Variants in CCDC141 observed in about 807,000 individuals in gnomAD.
CCDC141 encodes the protein coiled-coil domain-containing protein 141.
CCDC141 carries 168 observed loss-of-function variants against 181.0 expected under a neutral mutation model. That is an observed-to-expected ratio of 0.93 (90% confidence interval 0.82 to 1.05). CCDC141 has a LOEUF of 1.05. Among genes scored for constraint, CCDC141 ranks in the 50% least tolerant of loss-of-function variants. CCDC141 has a pLI of 0.00. For missense variants in CCDC141, 1,902 were observed against 1,788.5 expected (o/e 1.06, Z -1.14); for synonymous variants, 666 against 642.3 (o/e 1.04, Z -0.56).
rs77777853 is a variant in CCDC141 at position 178,870,172 on chromosome 2, C to G, written c.2206-867G>C. Among the ~76,000 whole-genome samples, 190 of 128,608 alleles carry G rather than the reference C, an allele frequency of 1.5e-3. 1 individual carries two copies. Among genetic ancestry groups the G allele is most frequent in the Middle Eastern group, 5.4e-3 (1 of 186 alleles). 84.4% of individuals were successfully genotyped at this position (128,608 alleles called of 152,430 possible). A position where few individuals can be genotyped will look rare whatever the true frequency, so the allele number is the denominator to read the frequency against. Reference sequence around the variant, plus strand: ...ACTTGAACCTGGGAGGCGGAGGCTGCAGCAAGATAAAATTGTGCTACTGCA... The same window carrying G: ...ACTTGAACCTGGGAGGCGGAGGCTGGAGCAAGATAAAATTGTGCTACTGCA... On this transcript the variant is annotated intron_variant, in intron 14 of 23. Coordinates refer to ENST00000443758, the MANE Select transcript of CCDC141 (RefSeq NM_173648.4).
rs1165259437 is a variant in CCDC141, at chr2:178,998,139, T to A, written c.226-19464A>T. Among the ~76,000 whole-genome samples, 4 of 152,284 alleles carry A rather than the reference T, an allele frequency of 2.6e-5. No homozygotes were observed. The East Asian group carries it at 7.7e-4, about 29-fold the overall frequency. On this transcript the variant is annotated intron_variant, in intron 2 of 23. Transcript: ENST00000443758. The stretch of plus-strand genomic sequence containing the variant: ...TGTATATTGATTTCTAGTTTAAAAA[T>A]TTATACAGTATTCTACAGCACTTAG...
chr2:179,007,463 C>A (rs1173664177), intron 2 of CCDC141, among the ~76,000 whole-genome samples: 1 of 152,134 alleles, frequency 6.6e-6, no homozygotes, highest in African/African-American at 2.4e-5. Flanking sequence ...TATTTAGCTG[C>A]TTTAAAATGC....
chr2:178,817,773 T>TCCTC, the CCDC141 span: 1 of 288,938 alleles, frequency 3.5e-6, no homozygotes, highest in Non-Finnish European at 6.6e-6. Flanking sequence ...TCTCTCTCCC[T>TCCTC]CCTCCCTTCC....
At chr2:179,016,456 T>C (rs1358166033) in intron 2 of CCDC141, among the ~76,000 whole-genome samples, 2 of 152,088 alleles carry the variant, frequency 1.3e-5, no homozygotes, top group Non-Finnish European at 2.9e-5. Context: ...CATTAACAGT[T>C]AGTAAATCTA....
chr2:178,971,846 C>A (rs1210481441), intron 4 of CCDC141, among the ~76,000 whole-genome samples: 1 of 152,042 alleles, frequency 6.6e-6, no homozygotes, highest in Non-Finnish European at 1.5e-5. Context: ...AACACCACAT[C>A]TTCTCACTCA....
chr2:178,973,543 T>C (rs760600252), intron 4 of CCDC141, among the ~76,000 whole-genome samples: 1 of 152,070 alleles, frequency 6.6e-6, no homozygotes, highest in African/African-American at 2.4e-5. Context: ...ATGTGCCCCA[T>C]ATAAACTGGC....
At chr2:178,936,065 T>C (rs1689274376) in intron 6 of CCDC141, among the ~76,000 whole-genome samples, 1 of 152,184 alleles carries the variant, frequency 6.6e-6, no homozygotes, top group African/African-American at 2.4e-5. Context: ...ACTCTGTTGA[T>C]AGTTTCTTTT....
chr2:178,880,064 C>T (rs76879420), intron 11 of CCDC141, among the ~76,000 whole-genome samples: 7,467 of 152,216 alleles, frequency 0.049, 438 homozygotes, highest in South Asian at 0.17. Context: ...GCATGGCAAT[C>T]ATCAGGGCTT....
intron 2 of CCDC141, among the ~76,000 whole-genome samples, chr2:179,024,046 G>T (rs544197537): frequency 2.0e-5 from 3 of 152,196 alleles, no homozygotes; most frequent in Admixed American, 6.5e-5. Flanking sequence ...TGAGGGCAAA[G>T]CTCAGGAGGC....
rs186940682 is a variant in CCDC141 at position 178,895,786 on chromosome 2, T to A, written c.1266-7118A>T. Among the ~76,000 whole-genome samples, 437 of 152,370 alleles carry A rather than the reference T, an allele frequency of 2.9e-3. 3 individuals are homozygous for A. Among genetic ancestry groups the A allele is most frequent in the Non-Finnish European group, 4.2e-3 (287 of 68,032 alleles). On this transcript the variant is annotated intron_variant, in intron 8 of 23. Transcript: ENST00000443758. ...ATCATCAAAGTCTTTTAAAAGCAGT[T>A]ATTTTTAAGTTCTTAAATGCTTAGT...
rs539852613 is a variant in CCDC141, at chr2:178,994,606, C to T, written c.226-15931G>A. Among the ~76,000 whole-genome samples, 6 of 152,248 alleles carry T rather than the reference C, an allele frequency of 3.9e-5. No homozygotes were observed. In the South Asian group the frequency reaches 1.0e-3, roughly 26 times the overall value. ...TTCATCATTTTCTTGGGGATTAGCT[C>T]CTCGTTACTTATGCAAATTTCTGCA... On this transcript the variant is annotated intron_variant, in intron 2 of 23. Transcript: ENST00000443758.
chr2:178,848,333 T>C (rs937518671), intron 21 of CCDC141, among the ~76,000 whole-genome samples: 8 of 152,186 alleles, frequency 5.3e-5, no homozygotes, highest in Admixed American at 5.2e-4. Context: ...AGGCCTTGAA[T>C]TGGAACTTGA....
intron 17 of CCDC141, among the ~76,000 whole-genome samples, chr2:178,861,038 T>C (rs1359282103): frequency 6.6e-6 from 1 of 152,182 alleles, no homozygotes; most frequent in Non-Finnish European, 1.5e-5. Flanking sequence ...CAAATTGTAA[T>C]CTTTCTTATC....
chr2:179,015,675 CAT>C (rs1201320770), intron 2 of CCDC141, among the ~76,000 whole-genome samples: 2 of 138,872 alleles, frequency 1.4e-5, no homozygotes, highest in South Asian at 2.3e-4. Context: ...ATACATATCT[CAT>C]ATATATCTCA....
intron 4 of CCDC141, among the ~76,000 whole-genome samples, chr2:178,963,412 T>G (rs1690490586): frequency 1.3e-5 from 2 of 151,852 alleles, no homozygotes; most frequent in African/African-American, 2.4e-5. Flanking sequence ...TCAAATATAC[T>G]GTTTTTTTTT....
At chr2:178,968,872 A>G (rs1022714420) in intron 4 of CCDC141, among the ~76,000 whole-genome samples, 1 of 152,034 alleles carries the variant, frequency 6.6e-6, no homozygotes, top group Non-Finnish European at 1.5e-5. Flanking sequence ...GAAGAATGAA[A>G]TAGGCACAAT....
rs182508486 is a variant in CCDC141, at chr2:178,836,852, G to A, written c.4325+42C>T. 2.0e-4 allele frequency: 310 copies of A among 1,565,232 alleles called. No individual in the cohort carries two copies. In the African/African-American group the frequency reaches 3.7e-3, roughly 19 times the overall value. On this transcript the variant is annotated intron_variant, in intron 23 of 23. Coordinates refer to ENST00000443758, the MANE Select transcript of CCDC141 (RefSeq NM_173648.4). ...CACAGAATGATTTTTCTCTGTGATT[G>A]AATTTGTTTCCATTTATGGCTTGTC...
intron 4 of CCDC141, among the ~76,000 whole-genome samples, chr2:178,962,808 A>T (rs1690465478): frequency 6.6e-6 from 1 of 152,018 alleles, no homozygotes; most frequent in Non-Finnish European, 1.5e-5. Flanking sequence ...AAATTGTCTC[A>T]GTCTCTCCAC....
intron 11 of CCDC141, among the ~76,000 whole-genome samples, chr2:178,882,626 T>C (rs528624144): frequency 6.6e-6 from 1 of 152,078 alleles, no homozygotes; most frequent in African/African-American, 2.4e-5. Flanking sequence ...TTGGATGAGA[T>C]TTAGGGATAG....
Sources: gnomAD v4.1 joint callset for allele counts (sites outside exome capture counted in the v4.1 genomes callset) on GRCh38, gnomAD v4.1.1 for gene constraint, MANE v1.5 for transcripts, NCBI Gene and HGNC (gene_info 2026-07-23, HGNC 2026-07-21) for gene names.